Variants in ZNF131 observed in about 807,000 individuals in gnomAD.
ZNF131 encodes the protein zinc finger protein 131.
In ZNF131, 7 loss-of-function variants were observed where a neutral mutation model predicts 60.0. The observed-to-expected ratio is 0.12, with a 90% confidence interval of 0.07 to 0.22. The LOEUF is 0.22. Among genes scored for constraint, ZNF131 ranks in the 10% least tolerant of loss-of-function variants. ZNF131 has a pLI of 1.00. For missense variants in ZNF131, 493 were observed against 740.9 expected (o/e 0.67, Z 3.88); for synonymous variants, 257 against 253.2 (o/e 1.01, Z -0.14).
chr5:43,132,323 T>G (rs557246604), intron 3 of ZNF131, among the ~76,000 whole-genome samples: 1 of 152,210 alleles, frequency 6.6e-6, no homozygotes, highest in East Asian at 1.9e-4. Flanking sequence ...TTTTGTTTGC[T>G]TATTTGGTAG....
chr5:43,137,105 A>G (rs1263560659), intron 3 of ZNF131, among the ~76,000 whole-genome samples: 16 of 152,186 alleles, frequency 1.1e-4, no homozygotes. Context: ...AAAAATGTAA[A>G]TCTCCTGGAA....
intron 4 of ZNF131, among the ~76,000 whole-genome samples, chr5:43,152,418 C>T (rs1344104558): frequency 6.6e-6 from 1 of 152,074 alleles, no homozygotes; most frequent in Non-Finnish European, 1.5e-5. Flanking sequence ...GTTTTGCCTG[C>T]GACACACAGG....
intron 5 of ZNF131, among the ~76,000 whole-genome samples, chr5:43,165,999 A>G (rs1030469602): frequency 1.3e-5 from 2 of 152,242 alleles, no homozygotes; most frequent in South Asian, 2.1e-4. Context: ...CTTAAATTTC[A>G]TTAACCTCTT....
At chr5:43,139,589 T>G (rs2330086) in intron 4 of ZNF131, among the ~76,000 whole-genome samples, 8,056 of 152,298 alleles carry the variant, frequency 0.053, 316 homozygotes, top group South Asian at 0.13. Context: ...CCTTATAAAC[T>G]GTTTTGTTGG....
intron 4 of ZNF131, among the ~76,000 whole-genome samples, chr5:43,145,837 A>G (rs571310246): frequency 4.6e-5 from 7 of 152,338 alleles, no homozygotes; most frequent in African/African-American, 1.7e-4. Flanking sequence ...TTCAACTGTT[A>G]ATAAATTCTA....
At chr5:43,145,498 C>G (rs1199417383) in intron 4 of ZNF131, among the ~76,000 whole-genome samples, 2 of 151,956 alleles carry the variant, frequency 1.3e-5, no homozygotes, top group Admixed American at 6.5e-5. Flanking sequence ...ACTAAAAATA[C>G]AAAAAATTAG....
chr5:43,170,242 T>G (rs1227687019), intron 5 of ZNF131, among the ~76,000 whole-genome samples: 1 of 152,214 alleles, frequency 6.6e-6, no homozygotes, highest in African/African-American at 2.4e-5. Context: ...TTCCAGCTAA[T>G]TAGGTCTTTT....
At chr5:43,130,957 G>T (rs944545048) in intron 3 of ZNF131, among the ~76,000 whole-genome samples, 3 of 151,716 alleles carry the variant, frequency 2.0e-5, no homozygotes, top group African/African-American at 7.3e-5. Flanking sequence ...TCCATCTCCC[G>T]GGTTCAGGTG....
intron 5 of ZNF131, among the ~76,000 whole-genome samples, chr5:43,169,578 C>T (rs1374707669): frequency 6.6e-6 from 1 of 152,134 alleles, no homozygotes; most frequent in Non-Finnish European, 1.5e-5. Context: ...ATATATGGAA[C>T]ATTTATGAGT....
At chr5:43,173,809 TAA>T (rs1016810852) in intron 6 of ZNF131, among the ~76,000 whole-genome samples, 1 of 152,162 alleles carries the variant, frequency 6.6e-6, no homozygotes, top group Admixed American at 6.5e-5. Context: ...TTATTTGATA[TAA>T]AAATACAAAA....
intron 4 of ZNF131, among the ~76,000 whole-genome samples, chr5:43,155,564 CTG>C (rs1295908626): frequency 6.6e-6 from 1 of 152,178 alleles, no homozygotes; most frequent in Non-Finnish European, 1.5e-5. Context: ...AGAGAATGCA[CTG>C]CAGTTCGATT....
chr5:43,149,718 T>C (rs529379938), intron 4 of ZNF131, among the ~76,000 whole-genome samples: 1 of 152,326 alleles, frequency 6.6e-6, no homozygotes, highest in South Asian at 2.1e-4. Flanking sequence ...CAGGCTTTTT[T>C]TTATTTTAGC....
intron 3 of ZNF131, among the ~76,000 whole-genome samples, chr5:43,134,693 C>CTTTTTT (rs149464238): frequency 1.1e-4 from 10 of 88,412 alleles, no homozygotes; most frequent in South Asian, 4.6e-4. Flanking sequence ...TTCTTTTTTT[C>CTTTTTT]TTTTTTTTTT....
intron 4 of ZNF131, among the ~76,000 whole-genome samples, chr5:43,143,988 T>A (rs1747227369): frequency 7.4e-6 from 1 of 135,756 alleles, no homozygotes; most frequent in Non-Finnish European, 1.5e-5. Flanking sequence ...AGTGGTGCGA[T>A]CTTGGCTCAC....
intron 4 of ZNF131, among the ~76,000 whole-genome samples, chr5:43,143,994 C>T (rs1414105883): frequency 7.4e-6 from 1 of 135,076 alleles, no homozygotes; most frequent in Non-Finnish European, 1.5e-5. Context: ...GCGATCTTGG[C>T]TCACTGCAAG....
chr5:43,128,277 G>A (rs1240603793), intron 3 of ZNF131, among the ~76,000 whole-genome samples: 1 of 152,124 alleles, frequency 6.6e-6, no homozygotes, highest in Non-Finnish European at 1.5e-5. Flanking sequence ...TCATTTAGCT[G>A]GGCAAGTATT....
intron 5 of ZNF131, among the ~76,000 whole-genome samples, chr5:43,172,804 G>A (rs1369251474): frequency 6.6e-6 from 1 of 151,688 alleles, no homozygotes; most frequent in African/African-American, 2.4e-5. Flanking sequence ...ATATTCCATC[G>A]CTCTTTTCTG....
chr5:43,164,485 TAAAC>T (rs887176584), intron 5 of ZNF131, among the ~76,000 whole-genome samples: 1 of 152,226 alleles, frequency 6.6e-6, no homozygotes, highest in African/African-American at 2.4e-5. Flanking sequence ...AGCAGCACAA[TAAAC>T]AAACATTGGT....
chr5:43,146,074 A>G (rs1420556028), intron 4 of ZNF131, among the ~76,000 whole-genome samples: 1 of 152,248 alleles, frequency 6.6e-6, no homozygotes, highest in African/African-American at 2.4e-5. Context: ...AGGAAGACAT[A>G]TAATTTAACA....
Sources: allele counts gnomAD v4.1 joint callset (sites outside exome capture counted in the v4.1 genomes callset), GRCh38; gene constraint gnomAD v4.1.1; transcripts MANE v1.5; gene names NCBI Gene and HGNC (gene_info 2026-07-23, HGNC 2026-07-21).